SPMIP7: variants seen among roughly 807,000 people sequenced by gnomAD.
The protein encoded by SPMIP7 is sperm microtubule inner protein 7.
chr7:50,151,452 C>T, the SPMIP7 span: 1 of 1,549,102 alleles, frequency 6.5e-7, no homozygotes, highest in East Asian at 2.4e-5. Context: ...CACTTTAGTG[C>T]TGCAAATATT....
the SPMIP7 span, among the ~76,000 whole-genome samples, chr7:50,103,561 T>G: frequency 6.6e-6 from 1 of 152,204 alleles, no homozygotes; most frequent in African/African-American, 2.4e-5. Flanking sequence ...ATACCTAACA[T>G]TAAGAGGCTC....
At chr7:50,123,879 A>G in the SPMIP7 span, among the ~76,000 whole-genome samples, 1 of 152,274 alleles carries the variant, frequency 6.6e-6, no homozygotes, top group East Asian at 1.9e-4. Flanking sequence ...TAATCCAAAT[A>G]TATCATAATT....
the SPMIP7 span, among the ~76,000 whole-genome samples, chr7:50,107,893 C>A: frequency 3.3e-5 from 5 of 152,178 alleles, no homozygotes; most frequent in Middle Eastern, 3.4e-3. Flanking sequence ...GGAGGCAAAG[C>A]AGGAAGAACA....
chr7:50,137,257 CAA>C, the SPMIP7 span, among the ~76,000 whole-genome samples: 1 of 151,918 alleles, frequency 6.6e-6, no homozygotes, highest in Non-Finnish European at 1.5e-5. Context: ...CTATATAATA[CAA>C]AAATTGATAG....
At chr7:50,155,282 C>T in the SPMIP7 span, among the ~76,000 whole-genome samples, 55,698 of 152,056 alleles carry the variant, frequency 0.37, 10,538 homozygotes, top group Non-Finnish European at 0.4. Flanking sequence ...TGTCAAGACA[C>T]ATTTTGAAAT....
the SPMIP7 span, among the ~76,000 whole-genome samples, chr7:50,102,273 G>C: frequency 6.6e-6 from 1 of 152,192 alleles, no homozygotes; most frequent in African/African-American, 2.4e-5. Context: ...GCAGTGAACA[G>C]AGATCATGCC....
the SPMIP7 span, among the ~76,000 whole-genome samples, chr7:50,100,816 T>TAAATAAATAAATAAATA: frequency 3.2e-4 from 32 of 99,954 alleles, no homozygotes; most frequent in East Asian, 3.8e-3. Context: ...CGTCCAAAAA[T>TAAATAAATAAATAAATA]AAATAAATAA....
At chr7:50,127,089 C>A in the SPMIP7 span, among the ~76,000 whole-genome samples, 1 of 151,942 alleles carries the variant, frequency 6.6e-6, no homozygotes, top group Admixed American at 6.6e-5. Flanking sequence ...TTAGGGAGCC[C>A]ACATATAAAT....
At chr7:50,156,045 C>G in the SPMIP7 span, among the ~76,000 whole-genome samples, 1 of 152,162 alleles carries the variant, frequency 6.6e-6, no homozygotes, top group Non-Finnish European at 1.5e-5. Context: ...CCCCTAACAG[C>G]AGCTCCTGGC....
At chr7:50,110,127 T>G in the SPMIP7 span, among the ~76,000 whole-genome samples, 4 of 152,000 alleles carry the variant, frequency 2.6e-5, no homozygotes, top group Non-Finnish European at 5.9e-5. Flanking sequence ...TTTAATTATG[T>G]GGTAAAATGA....
At chr7:50,112,636 A>G in the SPMIP7 span, among the ~76,000 whole-genome samples, 3 of 152,318 alleles carry the variant, frequency 2.0e-5, no homozygotes, top group East Asian at 3.9e-4. Context: ...AAAAATAATC[A>G]TTTCCAGACA....
At chr7:50,151,864 G>A in the SPMIP7 span, among the ~76,000 whole-genome samples, 2 of 152,130 alleles carry the variant, frequency 1.3e-5, no homozygotes. Flanking sequence ...GCGCATTAGA[G>A]GAATGGCATC....
chr7:50,140,574 A>T, the SPMIP7 span, among the ~76,000 whole-genome samples: 3 of 152,220 alleles, frequency 2.0e-5, no homozygotes, highest in Non-Finnish European at 4.4e-5. Flanking sequence ...TCACCTCTTA[A>T]TTTCTACATT....
At chr7:50,154,823 A>C in the SPMIP7 span, among the ~76,000 whole-genome samples, 1 of 152,186 alleles carries the variant, frequency 6.6e-6, no homozygotes, top group African/African-American at 2.4e-5. Context: ...CATTCCCATC[A>C]ACAGTCTATC....
the SPMIP7 span, among the ~76,000 whole-genome samples, chr7:50,107,328 G>A: frequency 5.2e-5 from 6 of 114,658 alleles, no homozygotes; most frequent in African/African-American, 1.0e-4. Context: ...TGCACTCCAC[G>A]CTCCAATCTG....
At chr7:50,137,012 T>C in the SPMIP7 span, among the ~76,000 whole-genome samples, 1 of 152,174 alleles carries the variant, frequency 6.6e-6, no homozygotes, top group African/African-American at 2.4e-5. Context: ...TCGTGGAGCA[T>C]GACTAGTATT....
the SPMIP7 span, chr7:50,104,412 G>A: frequency 4.9e-5 from 71 of 1,460,542 alleles, no homozygotes; most frequent in South Asian, 9.3e-4. Context: ...AACATGTACA[G>A]TAAGATTTTC....
chr7:50,115,293 T>C, the SPMIP7 span, among the ~76,000 whole-genome samples: 3 of 152,012 alleles, frequency 2.0e-5, no homozygotes, highest in African/African-American at 7.2e-5. Flanking sequence ...TATCACCTAA[T>C]AACAGAACTC....
chr7:50,150,645 C>T, the SPMIP7 span, among the ~76,000 whole-genome samples: 3 of 152,230 alleles, frequency 2.0e-5, no homozygotes, highest in Admixed American at 6.5e-5. Context: ...AGGAAATAAT[C>T]TGTGTAAACC....
Sources: gnomAD v4.1 joint callset for allele counts (sites outside exome capture counted in the v4.1 genomes callset) on GRCh38, gnomAD v4.1.1 for gene constraint, MANE v1.5 for transcripts, NCBI Gene and HGNC (gene_info 2026-07-23, HGNC 2026-07-21) for gene names.